NUBP1: variants seen among roughly 807,000 people sequenced by gnomAD.
NUBP1 encodes the protein cytosolic Fe-S cluster assembly factor NUBP1.
In NUBP1, 46 loss-of-function variants were observed where a neutral mutation model predicts 41.8. That is an observed-to-expected ratio of 1.10 (90% CI 0.87 to 1.41). The LOEUF (loss-of-function observed/expected upper bound fraction) is 1.41, where lower values mean the gene tolerates loss of function less well. NUBP1 is among the 40% of genes most tolerant of loss of function. The pLI, the probability that NUBP1 is intolerant of heterozygous loss-of-function variation, is 0.00. For synonymous variants in NUBP1, 189 were observed against 154.6 expected, an observed-to-expected ratio of 1.22 and a Z score of -1.65; for missense variants, 494 against 414.0, an observed-to-expected ratio of 1.19 and a Z score of -1.68.
chr16:10,763,962 A>G (rs1313772367), intron 9 of NUBP1: 2 of 185,192 alleles, frequency 1.1e-5, no homozygotes, highest in South Asian at 7.2e-5. Context: ...CTCAGCCCAC[A>G]GGAGTATCTC....
intron 4 of NUBP1, among the ~76,000 whole-genome samples, chr16:10,753,135 G>C (rs999616337): frequency 7.2e-5 from 11 of 152,098 alleles, no homozygotes; most frequent in Non-Finnish European, 1.3e-4. Context: ...TACATGCTCA[G>C]TAGTCCATCT....
intron 3 of NUBP1, among the ~76,000 whole-genome samples, chr16:10,751,904 T>C (rs1900337252): frequency 6.6e-6 from 1 of 152,150 alleles, no homozygotes; most frequent in African/African-American, 2.4e-5. Context: ...CCGAAAGACC[T>C]CAGTTTATGT....
At chr16:10,758,862 G>A (rs56138941) in intron 7 of NUBP1, among the ~76,000 whole-genome samples, 4,317 of 152,256 alleles carry the variant, frequency 0.028, 218 homozygotes, top group African/African-American at 0.098. Flanking sequence ...CCTAGTGGCT[G>A]TACTCCAAGG....
rs1026775071 is a variant in NUBP1 at position 10,744,062 on chromosome 16, A to C, written c.121A>C (p.Thr41Pro). Residue 41 changes from threonine to proline, a missense_variant, in exon 2 of 11, where the codon ACG becomes CCG. Coordinates refer to ENST00000283027, the MANE Select transcript of NUBP1 (RefSeq NM_002484.4). Reference protein sequence around the residue: ...CASGAGATPDTAIEEIKEKMK... With the variant: ...CASGAGATPDPAIEEIKEKMK... ...TTCTGGAGCGGGGGCCACTCCGGAC[A>C]CGGGTGAGAAAAGGGCAAGGCCTCA... 1.9e-6 allele frequency: 3 copies of C among 1,577,766 alleles called. No individual in the cohort carries two copies. Among genetic ancestry groups the C allele is most frequent in the Non-Finnish European group, 2.6e-6 (3 of 1,167,158 alleles).
At chr16:10,751,419 G>T (rs1900310837) in intron 3 of NUBP1, among the ~76,000 whole-genome samples, 1 of 152,164 alleles carries the variant, frequency 6.6e-6, no homozygotes, top group South Asian at 2.1e-4. Context: ...GGCACCTGAG[G>T]CCAGTGCTGG....
intron 2 of NUBP1, among the ~76,000 whole-genome samples, chr16:10,745,187 G>A (rs186841025): frequency 2.4e-4 from 37 of 151,864 alleles, no homozygotes; most frequent in Middle Eastern, 3.4e-3. Context: ...GAGACAGGCC[G>A]GGTGCAGTGG....
chr16:10,767,302 TG>T lies in NUBP1; in HGVS notation c.821-644del. 2.5e-6 allele frequency: 1 copy of T among 399,230 alleles called. No individual in the cohort carries two copies. Among genetic ancestry groups the T allele is most frequent in the Non-Finnish European group, 4.4e-6 (1 of 226,580 alleles). The allele number at this position is 399,230 out of a possible 1,614,324, so 24.7% of individuals were successfully genotyped here. A position where few individuals can be genotyped will look rare whatever the true frequency, so the allele number is the denominator to read the frequency against. On this transcript the variant is annotated intron_variant, in intron 9 of 10. Transcript: ENST00000283027. This position sits in a 1 kb window ranked among gnomAD's most constrained non-coding sequence, Gnocchi z 4.6. ...GGGATAACATGGTCCTAGAGAAACC[TG>T]GGTGTGCATAGGAGGGGACTGGAAC...
chr16:10,766,304 G>C lies in NUBP1; in HGVS notation c.821-1645G>C, dbSNP rs138073723. 6.6e-6 allele frequency among the ~76,000 whole-genome samples: 1 copy of C among 152,306 alleles called. No homozygotes were observed. The highest frequency in any genetic ancestry group is 1.9e-4 in the East Asian group (1 of 5,176). On this transcript the variant is annotated intron_variant, in intron 9 of 10. Transcript: ENST00000283027. The surrounding 1 kb of genome is among the most constrained non-coding windows in gnomAD (Gnocchi z 4.8). ...CCTAGTGAGAGGGATCTGCCAGGGT[G>C]GGGTGAGAGGATGCCTGGGATCTCT...
Position 10,769,195 on chromosome 16 carries a change from G to A in NUBP1, c.*90G>A, listed in dbSNP as rs1025036731. ...CAGACCCGACCAGCTCCGGGATGGG[G>A]TGGGTCACAGCAAAAGGACCAGATG... On this transcript the variant is annotated 3_prime_UTR_variant, in exon 11 of 11. Transcript: ENST00000283027. 2 of 1,182,288 alleles carry A rather than the reference G, an allele frequency of 1.7e-6. No individual in the cohort carries two copies. Among genetic ancestry groups the A allele is most frequent in the South Asian group, 1.3e-5 (1 of 78,682 alleles). 73.2% of individuals were successfully genotyped at this position (1,182,288 alleles called of 1,614,324 possible). A position where few individuals can be genotyped will look rare whatever the true frequency, so the allele number is the denominator to read the frequency against.
At chr16:10,752,515 G>A (rs1247228021) in intron 3 of NUBP1, 95 bp from the exon 4 acceptor site, 7 of 947,888 alleles carry the variant, frequency 7.4e-6, no homozygotes, top group Non-Finnish European at 1.2e-5. Flanking sequence ...CTTCTCCCCT[G>A]TCCTTTTCCT....
intron 9 of NUBP1, among the ~76,000 whole-genome samples, chr16:10,764,407 T>A (rs1020719494): frequency 7.7e-6 from 1 of 129,744 alleles, no homozygotes; most frequent in Non-Finnish European, 1.6e-5. Flanking sequence ...GCTGGAGTAT[T>A]TGTCTATTGG....
chr16:10,767,049 G>A lies in NUBP1; in HGVS notation c.821-900G>A. 5.0e-6 allele frequency: 2 copies of A among 398,736 alleles called. No homozygotes were observed. Among genetic ancestry groups the A allele is most frequent in the Non-Finnish European group, 8.8e-6 (2 of 226,132 alleles). 24.7% of individuals were successfully genotyped at this position (398,736 alleles called of 1,614,324 possible). On this transcript the variant is annotated intron_variant, in intron 9 of 10. Transcript: ENST00000283027. This position sits in a 1 kb window ranked among gnomAD's most constrained non-coding sequence, Gnocchi z 4.6. Reference sequence around the variant, plus strand: ...CACAGGGCGACACAGTAGTGAAGTTGAGGAAATGATGAGTGCTAGGTAGGA... The same window carrying A: ...CACAGGGCGACACAGTAGTGAAGTTAAGGAAATGATGAGTGCTAGGTAGGA...
In NUBP1 at chr16:10,749,124, CAT is replaced by C. The variant is rs1491513532; in HGVS notation, c.258+1850_258+1851del. 0.17 allele frequency among the ~76,000 whole-genome samples: 16,983 copies of C among 97,056 alleles called. 1,269 individuals carry two copies. The highest frequency in any genetic ancestry group is 0.19 in the African/African-American group (4,525 of 23,532). The allele number at this position is 97,056 out of a possible 152,430, so 63.7% of individuals were successfully genotyped here. ...AAGGATATAGATAGATACACAGACA[CAT>C]ACACACACACACACACACACACACA... On this transcript the variant is annotated intron_variant, in intron 3 of 10. Coordinates refer to ENST00000283027, the MANE Select transcript of NUBP1 (RefSeq NM_002484.4). This position sits in a 1 kb window ranked among gnomAD's most constrained non-coding sequence, Gnocchi z 4.1.
intron 4 of NUBP1, among the ~76,000 whole-genome samples, chr16:10,753,899 G>A (rs751301504): frequency 6.6e-6 from 1 of 152,144 alleles, no homozygotes; most frequent in African/African-American, 2.4e-5. Context: ...AGGGTGGCCC[G>A]AAGCAGATGG....
rs777345979 is a variant in NUBP1, at chr16:10,761,827, T to C, written c.788T>C (p.Leu263Pro). ...ELMCQDLEVP[L>P]LGRVPLDPLI... ...ATGTGCCAGGACTTGGAGGTCCCTCTCCTCGGCAGAGTGCCCCTGGATCCG... is the reference window on the plus strand; with the variant it reads ...ATGTGCCAGGACTTGGAGGTCCCTCCCCTCGGCAGAGTGCCCCTGGATCCG... Residue 263 changes from leucine to proline, a missense_variant, in exon 9 of 11, where the codon CTC (leucine) becomes CCC (proline). Transcript: ENST00000283027. The C allele has an allele frequency of 5.6e-6, 9 of 1,614,020 alleles. No homozygotes were observed. The South Asian group carries it at 8.8e-5, about 16-fold the overall frequency.
At chr16:10,762,554 C>T (rs760765061) in intron 9 of NUBP1, among the ~76,000 whole-genome samples, 12 of 152,190 alleles carry the variant, frequency 7.9e-5, no homozygotes, top group South Asian at 4.1e-4. Context: ...ACCGCGGAGC[C>T]GGGCGGGCCT....
intron 2 of NUBP1, among the ~76,000 whole-genome samples, chr16:10,745,684 C>T (rs1084561): frequency 0.5 from 75,931 of 152,074 alleles, 21,532 homozygotes; most frequent in African/African-American, 0.78. Context: ...CAGTAGGCCT[C>T]GTGGCAGGTA....
At chr16:10,755,337 T>C (rs535088301) in intron 4 of NUBP1, among the ~76,000 whole-genome samples, 16 of 152,326 alleles carry the variant, frequency 1.1e-4, no homozygotes, top group African/African-American at 3.1e-4. Context: ...GCTCATTCCC[T>C]TCACTCCTGT....
intron 3 of NUBP1, among the ~76,000 whole-genome samples, chr16:10,751,979 C>G (rs1436788082): frequency 6.6e-6 from 1 of 152,204 alleles, no homozygotes; most frequent in African/African-American, 2.4e-5. Flanking sequence ...CTCTGTAAAC[C>G]AGAGATAATG....
Sources: gnomAD v4.1 joint callset for allele counts (sites outside exome capture counted in the v4.1 genomes callset) on GRCh38, gnomAD v4.1.1 for gene constraint, Gnocchi (gnomAD v3.1) non-coding constraint, MANE v1.5 for transcripts, NCBI Gene and HGNC (gene_info 2026-07-23, HGNC 2026-07-21) for gene names.